The following DBT variants were observed in gnomAD, a reference collection of about 807,000 sequenced individuals.
DBT encodes lipoamide acyltransferase component of branched-chain alpha-keto acid dehydrogenase complex, mitochondrial.
In DBT, 40 loss-of-function variants were observed where a neutral mutation model predicts 51.3. The observed-to-expected ratio is 0.78, with a 90% CI of 0.61 to 1.02. The LOEUF is 1.02. Ranked by LOEUF, DBT falls within the 50% of genes least tolerant of loss-of-function variation. The pLI, the probability that DBT is intolerant of heterozygous loss-of-function variation, is 0.00. For synonymous variants in DBT, 181 were observed against 190.4 expected, an observed-to-expected ratio of 0.95 and a Z score of 0.41; for missense variants, 510 against 580.2, an observed-to-expected ratio of 0.88 and a Z score of 1.24.
chr1:100,225,022 C>CG (rs1169043481), intron 4 of DBT, among the ~76,000 whole-genome samples: 1 of 64,838 alleles, frequency 1.5e-5, no homozygotes, highest in African/African-American at 8.7e-5. Flanking sequence ...CGTCTCCCCC[C>CG]AAAAAAAAAA....
At chr1:100,239,189 T>C (rs551107722) in intron 2 of DBT, among the ~76,000 whole-genome samples, 18 of 152,286 alleles carry the variant, frequency 1.2e-4, no homozygotes, top group Middle Eastern at 3.4e-3. Context: ...AAGAATACAA[T>C]TAGCTAAATA....
Position 100,190,593 on chromosome 1 carries a change from G to A in DBT, c.*5662C>T, listed in dbSNP as rs1660763693. The A allele has an allele frequency of 6.6e-6, 1 of 152,290 alleles. No individual in the cohort carries two copies. 9.4% of individuals were successfully genotyped at this position (152,290 alleles called of 1,614,324 possible). A position where few individuals can be genotyped will look rare whatever the true frequency, so the allele number is the denominator to read the frequency against. On this transcript the variant is annotated 3_prime_UTR_variant, in exon 11 of 11. Coordinates refer to ENST00000370132, the MANE Select transcript of DBT (RefSeq NM_001918.5). ...CAGTTCTGGATGTGAGGAAGAGACT[G>A]AAGGATCAAAGTGGGGCAATGGGGG...
chr1:100,242,175 C>G (rs1351890721), intron 1 of DBT, among the ~76,000 whole-genome samples: 2 of 151,774 alleles, frequency 1.3e-5, no homozygotes, highest in East Asian at 3.9e-4. Flanking sequence ...ATAAGTGAAA[C>G]TTTTTCATGT....
rs1024314250 is a variant in DBT at position 100,230,723 on chromosome 1, C to G, written c.433+10G>C. 3 of 1,580,650 alleles carry G rather than the reference C, an allele frequency of 1.9e-6. No individual in the cohort carries two copies. The highest frequency in any genetic ancestry group is 2.6e-6 in the Non-Finnish European group (3 of 1,153,074). On this transcript the variant is annotated intron_variant, in intron 4 of 10. Coordinates refer to ENST00000370132, the MANE Select transcript of DBT (RefSeq NM_001918.5). ...CAATTTGGTAAAATAGATTAACAGACTTACAATACCTTTTAAAGCTTCCGT... is the reference window on the plus strand; with the variant it reads ...CAATTTGGTAAAATAGATTAACAGAGTTACAATACCTTTTAAAGCTTCCGT...
rs180825948 is a variant in DBT, at chr1:100,188,146, A to C, written c.*8109T>G. ...GGCCAGGTTCTTGTGCAATTTGTGA[A>C]ACCTTTGGTTTGCAGAGTTGTTAGC... is the stretch of plus-strand genomic sequence containing the variant. On this transcript the variant is annotated 3_prime_UTR_variant, in exon 11 of 11. Coordinates refer to ENST00000370132, the MANE Select transcript of DBT (RefSeq NM_001918.5). 9 of 152,304 alleles carry C rather than the reference A, an allele frequency of 5.9e-5. No individual in the cohort carries two copies. The highest frequency in any genetic ancestry group is 5.9e-4 in the Admixed American group (9 of 15,284). The allele number at this position is 152,304 out of a possible 1,614,324, so 9.4% of individuals were successfully genotyped here.
At chr1:100,242,317 A>G (rs907608901) in intron 1 of DBT, among the ~76,000 whole-genome samples, 1 of 152,164 alleles carries the variant, frequency 6.6e-6, no homozygotes, top group African/African-American at 2.4e-5. Context: ...TTTATAAACT[A>G]GAATTTTTGT....
intron 5 of DBT, among the ~76,000 whole-genome samples, chr1:100,218,163 C>T (rs1230699121): frequency 6.6e-6 from 1 of 152,172 alleles, no homozygotes; most frequent in East Asian, 1.9e-4. Flanking sequence ...AGGCCAGAGT[C>T]TTTCTTTTTT....
At chr1:100,233,509 G>A (rs949977119) in intron 3 of DBT, among the ~76,000 whole-genome samples, 1 of 152,088 alleles carries the variant, frequency 6.6e-6, no homozygotes, top group Non-Finnish European at 1.5e-5. Flanking sequence ...CAAGTGCAAC[G>A]CAATACATAT....
chr1:100,232,071 T>C (rs997747854), intron 3 of DBT, among the ~76,000 whole-genome samples: 1 of 152,236 alleles, frequency 6.6e-6, no homozygotes, highest in African/African-American at 2.4e-5. Context: ...CAGTATTCAA[T>C]AAATTGCATA....
rs1449113689 is a variant in DBT at position 100,206,452 on chromosome 1, A to G, written c.1202T>C (p.Ile401Thr). 2.6e-5 allele frequency: 42 copies of G among 1,612,130 alleles called. No individual in the cohort carries two copies. Among genetic ancestry groups the G allele is most frequent in the Non-Finnish European group, 3.4e-5 (40 of 1,178,358 alleles). Reference protein sequence around the residue: ...LTGGTFTLSNIGSIGGTFAKP... With the variant: ...LTGGTFTLSNTGSIGGTFAKP... ...TTCAACATTATTACTCACTGATCCAATGTTGGAAAGAGTAAATGTTCCTCC... is the reference window on the plus strand; with the variant it reads ...TTCAACATTATTACTCACTGATCCAGTGTTGGAAAGAGTAAATGTTCCTCC... Residue 401 changes from isoleucine (I) to threonine (T), a missense_variant, in exon 9 of 11, where the codon ATT becomes ACT. Transcript: ENST00000370132.
rs940335253 is a variant in DBT, at chr1:100,188,628, A to G, written c.*7627T>C. The G allele has an allele frequency of 2.0e-5, 3 of 152,074 alleles. No homozygotes were observed. The highest frequency in any genetic ancestry group is 4.4e-5 in the Non-Finnish European group (3 of 68,028). The allele number at this position is 152,074 out of a possible 1,614,324, so 9.4% of individuals were successfully genotyped here. ...CCCTTTGACTGTTCCATCTTTCCCC[A>G]TATCAAACCTAAATTATTGATCTTC... On this transcript the variant is annotated 3_prime_UTR_variant, in exon 11 of 11. Transcript: ENST00000370132.
At chr1:100,243,273 A>G (rs1449060332) in intron 1 of DBT, among the ~76,000 whole-genome samples, 4 of 151,326 alleles carry the variant, frequency 2.6e-5, no homozygotes, top group East Asian at 1.9e-4. Context: ...AAAAAAAAAA[A>G]AAAGAAAGAA....
intron 8 of DBT, among the ~76,000 whole-genome samples, chr1:100,210,206 G>C (rs1025684080): frequency 6.6e-6 from 1 of 151,556 alleles, no homozygotes; most frequent in Non-Finnish European, 1.5e-5. Context: ...AGCTACACAG[G>C]AGGCTGGGGC....
At position 100,189,685 on chromosome 1, in the gene DBT, A is replaced by T. The variant is rs1660722257; in HGVS notation, c.*6570T>A. ...GTTTGGCAGAAGGAGCAAGACAGGA[A>T]ATTTATTCATTTAGTGGCAGTCAGA... On this transcript the variant is annotated 3_prime_UTR_variant, in exon 11 of 11. Transcript: ENST00000370132. 2 of 152,210 alleles carry T rather than the reference A, an allele frequency of 1.3e-5. No individual in the cohort carries two copies. Among genetic ancestry groups the T allele is most frequent in the African/African-American group, 4.8e-5 (2 of 41,452 alleles). The allele number at this position is 152,210 out of a possible 1,614,324, so 9.4% of individuals were successfully genotyped here. A position where few individuals can be genotyped will look rare whatever the true frequency, so the allele number is the denominator to read the frequency against.
At chr1:100,210,913 T>C in intron 7 of DBT, 142 bp from the exon 8 acceptor site, 2 of 1,524,040 alleles carry the variant, frequency 1.3e-6, no homozygotes, top group South Asian at 2.4e-5. Flanking sequence ...ATGTACCTAG[T>C]CACATTACTG....
chr1:100,213,300 A>C lies in DBT; in HGVS notation c.939+1517T>G. On this transcript the variant is annotated intron_variant, in intron 7 of 10. Coordinates refer to ENST00000370132, the MANE Select transcript of DBT (RefSeq NM_001918.5). ...GAGCCGAGCCGGGCCGCCATGGACC[A>C]CAAGACTCTGCTGCAGGAGCGGCCG... The C allele has an allele frequency of 2.0e-6, 3 of 1,473,976 alleles. No homozygotes were observed. In the South Asian group the frequency reaches 4.0e-5, roughly 20 times the overall value. 91.3% of individuals were successfully genotyped at this position (1,473,976 alleles called of 1,614,324 possible). A position where few individuals can be genotyped will look rare whatever the true frequency, so the allele number is the denominator to read the frequency against.
intron 4 of DBT, among the ~76,000 whole-genome samples, chr1:100,229,874 T>C (rs1334778879): frequency 1.3e-5 from 2 of 152,252 alleles, no homozygotes; most frequent in Non-Finnish European, 2.9e-5. Flanking sequence ...TTTTCCTCTG[T>C]AACATTCTCA....
intron 8 of DBT, among the ~76,000 whole-genome samples, chr1:100,207,721 C>G (rs1443569252): frequency 1.3e-5 from 2 of 151,806 alleles, no homozygotes; most frequent in Admixed American, 1.3e-4. Context: ...TGCCTATAGT[C>G]TCAGCTACTT....
chr1:100,212,643 A>G (rs1662223093), intron 7 of DBT, among the ~76,000 whole-genome samples: 1 of 152,264 alleles, frequency 6.6e-6, no homozygotes, highest in African/African-American at 2.4e-5. Flanking sequence ...AAACTGAGTA[A>G]GCACTCAATG....
Sources: gnomAD v4.1 joint callset for allele counts (sites outside exome capture counted in the v4.1 genomes callset) on GRCh38, gnomAD v4.1.1 for gene constraint, MANE v1.5 for transcripts, NCBI Gene and HGNC (gene_info 2026-07-23, HGNC 2026-07-21) for gene names.